Variants in BMP1 observed in about 807,000 individuals in gnomAD.
The protein encoded by BMP1 is bone morphogenetic protein 1, also known as mammalian tolloid protein.
A neutral mutation model predicts 116.8 loss-of-function variants in BMP1; 63 were observed. The ratio of observed to expected loss-of-function variants is 0.54; its 90% CI spans 0.44 to 0.67. The LOEUF is 0.67. BMP1 is among the 30% of genes least tolerant of loss of function. The pLI is 0.00. For missense variants in BMP1, 1,183 were observed against 1,358.9 expected (o/e 0.87, Z 2.04); for synonymous variants, 536 against 533.4 (o/e 1.00, Z -0.07).
chr8:22,191,763 A>T (rs1281520986), intron 8 of BMP1, among the ~76,000 whole-genome samples: 1 of 152,114 alleles, frequency 6.6e-6, no homozygotes, highest in Non-Finnish European at 1.5e-5. Flanking sequence ...TCTTGAAGAT[A>T]TTGTGGGTTG....
rs1198703435 is a variant in BMP1, at chr8:22,194,447, A to G, written c.1300A>G (p.Ile434Val). Residue 434 changes from isoleucine (I) to valine (V), a missense_variant and splice_region_variant, in exon 11 of 20, where the codon ATC becomes GTC. Physicochemically the swap from Ile to Val is conservative, Grantham distance 29. Coordinates refer to ENST00000306385, the MANE Select transcript of BMP1 (RefSeq NM_006129.5). The surrounding 1 kb of genome is among the most constrained non-coding windows in gnomAD (Gnocchi z 4.5). ...GKGFFAVYEAICGGDVKKDYG... is the reference protein window; with the variant it reads ...GKGFFAVYEAVCGGDVKKDYG... ...CACCCCATCCTGTGTCCCCACAGCC[A>G]TCTGCGGGGGTGATGTGAAAAAGGA... 1.2e-6 allele frequency: 2 copies of G among 1,614,102 alleles called. No individual in the cohort carries two copies. The highest frequency in any genetic ancestry group is 1.1e-5 in the South Asian group (1 of 91,076).
intron 1 of BMP1, among the ~76,000 whole-genome samples, chr8:22,173,142 A>G (rs180951796): frequency 9.9e-5 from 15 of 152,270 alleles, no homozygotes; most frequent in African/African-American, 3.4e-4. Flanking sequence ...CCACAGTAGT[A>G]TGTTAACTAA....
Position 22,206,928 on chromosome 8 carries a change from A to G in BMP1, c.2308A>G (p.Lys770Glu). The G allele has an allele frequency of 5.0e-6, 8 of 1,614,204 alleles. No homozygotes were observed. Among genetic ancestry groups the G allele is most frequent in the Non-Finnish European group, 6.8e-6 (8 of 1,180,024 alleles). Residue 770 changes from lysine to glutamate, a missense_variant, in exon 17 of 20, where the codon AAG (lysine) becomes GAG (glutamate). Physicochemically the swap from Lys to Glu is moderately conservative, Grantham distance 56 (BLOSUM62 1). This residue lies in a region of BMP1 where 956 missense variants were observed against 1,135.2 expected (regional missense o/e 0.84). Transcript: ENST00000306385. ...CAACTGGCCTGACAAGTATCCCAGC[A>G]AGAAGGAGTGCACGTGGGCCATCTC... ...SPNWPDKYPSKKECTWAISST... is the reference protein window; with the variant it reads ...SPNWPDKYPSEKECTWAISST...
intron 1 of BMP1, among the ~76,000 whole-genome samples, chr8:22,165,891 G>T (rs1828088198): frequency 8.4e-6 from 1 of 119,448 alleles, no homozygotes; most frequent in Non-Finnish European, 2.1e-5. Context: ...GCGTGTGTGT[G>T]TGTGTGTGTG....
chr8:22,165,604 G>A (rs1828070485), intron 1 of BMP1, 51 bp downstream of exon 1: 3 of 1,521,332 alleles, frequency 2.0e-6, no homozygotes, highest in African/African-American at 2.9e-5. Context: ...AGGCGCGGGC[G>A]GGTTCGGGCT....
intron 17 of BMP1, 106 bp from the exon 18 acceptor site, chr8:22,207,197 G>A (rs1443919763): frequency 7.1e-7 from 1 of 1,408,228 alleles, no homozygotes; most frequent in East Asian, 2.3e-5. Flanking sequence ...CCCCAGCTGT[G>A]GCTGCTCCCA....
chr8:22,182,384 G>T (rs1828646892), intron 8 of BMP1, among the ~76,000 whole-genome samples: 1 of 152,136 alleles, frequency 6.6e-6, no homozygotes, highest in Non-Finnish European at 1.5e-5. Context: ...TTTAATCTAG[G>T]CTTTGAGCAG....
intron 19 of BMP1, among the ~76,000 whole-genome samples, chr8:22,210,466 T>TCACACACACACACA (rs1224107610): frequency 0.022 from 2,241 of 101,082 alleles, 83 homozygotes; most frequent in African/African-American, 0.087. Context: ...TCTCTCTCTC[T>TCACACACACACACA]CTCACACACA....
intron 19 of BMP1, among the ~76,000 whole-genome samples, chr8:22,211,365 T>C (rs747414940): frequency 2.6e-5 from 4 of 152,130 alleles, no homozygotes; most frequent in Non-Finnish European, 5.9e-5. Flanking sequence ...ACTCATTTAG[T>C]AGTTATAGCA....
In BMP1 at chr8:22,212,073, A is replaced by G. The variant is rs763174404; in HGVS notation, c.*345A>G. The G allele has an allele frequency of 7.0e-6, 2 of 284,450 alleles. No homozygotes were observed. Among genetic ancestry groups the G allele is most frequent in the African/African-American group, 4.2e-5 (2 of 47,288 alleles). The allele number at this position is 284,450 out of a possible 1,614,324, so 17.6% of individuals were successfully genotyped here. A position where few individuals can be genotyped will look rare whatever the true frequency, so the allele number is the denominator to read the frequency against. Reference sequence around the variant, plus strand: ...TGTGTCTCTACACGCTGTATTGTGTATCACCGGGGGCATTATTTTCATTGT... The same window carrying G: ...TGTGTCTCTACACGCTGTATTGTGTGTCACCGGGGGCATTATTTTCATTGT... On this transcript the variant is annotated 3_prime_UTR_variant, in exon 20 of 20. Transcript: ENST00000306385.
intron 8 of BMP1, among the ~76,000 whole-genome samples, chr8:22,191,378 G>C (rs1828926640): frequency 6.6e-6 from 1 of 152,200 alleles, no homozygotes; most frequent in South Asian, 2.1e-4. Context: ...TGAGGACAGG[G>C]ACGGATTCAG....
intron 8 of BMP1, 30 bp downstream of exon 8, chr8:22,180,513 C>T: frequency 6.3e-7 from 1 of 1,590,284 alleles, no homozygotes; most frequent in Non-Finnish European, 8.6e-7. Context: ...CTGAGCCTCC[C>T]CCTCCCCTGC....
chr8:22,178,109 G>T (rs935750206), intron 6 of BMP1, 152 bp downstream of exon 6: 63 of 647,916 alleles, frequency 9.7e-5, no homozygotes, highest in Non-Finnish European at 2.1e-5. Flanking sequence ...AGGGTCCGTG[G>T]ATGTTGCCTG....
intron 9 of BMP1, among the ~76,000 whole-genome samples, chr8:22,193,526 G>C (rs927936487): frequency 6.6e-6 from 1 of 152,228 alleles, no homozygotes; most frequent in Non-Finnish European, 1.5e-5. Flanking sequence ...GCTCACACCT[G>C]AAATCCCAGA....
At chr8:22,184,771 C>G (rs189436337) in intron 8 of BMP1, among the ~76,000 whole-genome samples, 6 of 152,296 alleles carry the variant, frequency 3.9e-5, no homozygotes, top group Non-Finnish European at 7.4e-5. Context: ...GTAAATCTAC[C>G]CAAGTTTACA....
intron 15 of BMP1, chr8:22,199,486 G>T (rs1474305531): frequency 1.8e-6 from 2 of 1,119,890 alleles, no homozygotes; most frequent in East Asian, 6.6e-5. Context: ...GCCCACTCCT[G>T]CCCCGGACAC....
intron 8 of BMP1, among the ~76,000 whole-genome samples, chr8:22,189,486 TAATATA>T (rs1828871759): frequency 6.7e-6 from 1 of 148,996 alleles, no homozygotes; most frequent in African/African-American, 2.5e-5. Flanking sequence ...ATATAATATA[TAATATA>T]AATAATAAAA....
At chr8:22,191,467 G>C (rs180707294) in intron 8 of BMP1, among the ~76,000 whole-genome samples, 2 of 152,196 alleles carry the variant, frequency 1.3e-5, no homozygotes, top group Non-Finnish European at 1.5e-5. Context: ...GCCGGGCACA[G>C]TGACGCACTC....
chr8:22,206,548 G>A (rs1242593918), intron 16 of BMP1, among the ~76,000 whole-genome samples: 3 of 151,872 alleles, frequency 2.0e-5, no homozygotes, highest in Non-Finnish European at 4.4e-5. Context: ...AGAGGCACAG[G>A]TGATATGACC....
Sources: allele counts gnomAD v4.1 joint callset (sites outside exome capture counted in the v4.1 genomes callset), GRCh38; gene constraint gnomAD v4.1.1; regional missense constraint gnomAD v4.1.1; non-coding constraint Gnocchi (gnomAD v3.1); transcripts MANE v1.5; gene names NCBI Gene and HGNC (gene_info 2026-07-23, HGNC 2026-07-21).